The following PPARD variants were observed in gnomAD, a reference collection of about 807,000 sequenced individuals.
The protein encoded by PPARD is peroxisome proliferator activated receptor delta.
Under a neutral mutation model 39.5 loss-of-function variants are expected in PPARD, and 6 were observed. That is an observed-to-expected ratio of 0.15 (90% CI 0.08 to 0.30). The LOEUF is 0.30. PPARD is among the 10% of genes least tolerant of loss of function. The pLI is 1.00. For missense variants in PPARD, 397 were observed against 596.8 expected, an observed-to-expected ratio of 0.67 and a Z score of 3.49; for synonymous variants, 210 against 231.3, an observed-to-expected ratio of 0.91 and a Z score of 0.83.
intron 2 of PPARD, among the ~76,000 whole-genome samples, chr6:35,368,197 T>C (rs1257233516): frequency 1.3e-5 from 2 of 152,242 alleles, no homozygotes; most frequent in Admixed American, 1.3e-4. Context: ...CACTGTGTCT[T>C]AGGGAACCTT....
rs181965018 is a variant in PPARD, at chr6:35,407,528, G to C, written c.-101-3459G>C. Among the ~76,000 whole-genome samples, 67 of 151,994 alleles carry C rather than the reference G, an allele frequency of 4.4e-4. 2 individuals are homozygous for C. In the East Asian group the frequency reaches 0.013, roughly 29 times the overall value. Reference sequence around the variant, plus strand: ...TGGAGCATAAAGAATCAGTGTTTCTGGTACTTGTTATTTGGATAATGGCAC... The same window carrying C: ...TGGAGCATAAAGAATCAGTGTTTCTCGTACTTGTTATTTGGATAATGGCAC... On this transcript the variant is annotated intron_variant, in intron 2 of 7. Transcript: ENST00000360694.
intron 2 of PPARD, among the ~76,000 whole-genome samples, chr6:35,402,192 C>T (rs1259452228): frequency 4.6e-5 from 7 of 152,208 alleles, no homozygotes; most frequent in African/African-American, 9.7e-5. Flanking sequence ...TTAAGAAAAT[C>T]GAAATCACCT....
At position 35,383,717 on chromosome 6, in the gene PPARD, C is replaced by A. The variant is rs1351999363; in HGVS notation, c.-101-27270C>A. Among the ~76,000 whole-genome samples, 5 of 143,510 alleles carry A rather than the reference C, an allele frequency of 3.5e-5. No individual in the cohort carries two copies. The East Asian group carries it at 7.9e-4, about 23-fold the overall frequency. The allele number at this position is 143,510 out of a possible 152,430, so 94.1% of individuals were successfully genotyped here. ...GATGTGAGGAGCACCTCTGCCCGGC[C>A]ACGACCCCGTCTGGGAGGTGAGGAG... On this transcript the variant is annotated intron_variant, in intron 2 of 7. Transcript: ENST00000360694.
chr6:35,384,262 T>TGGG (rs1581592140), intron 2 of PPARD, among the ~76,000 whole-genome samples: 7 of 68,032 alleles, frequency 1.0e-4, no homozygotes, highest in Admixed American at 4.9e-4. Context: ...GGGAGGGAGG[T>TGGG]AGGTTCAGCC....
At position 35,375,720 on chromosome 6, in the gene PPARD, A is replaced by T. The variant is rs186715948; in HGVS notation, c.-102+28570A>T. 5.5e-3 allele frequency among the ~76,000 whole-genome samples: 835 copies of T among 151,272 alleles called. 6 individuals are homozygous for T. The highest frequency in any genetic ancestry group is 0.016 in the African/African-American group (641 of 41,246). ...GCACACCACCATGCTCAGATAATTT[A>T]AAAAAAAATGTTTTCTAGAGATGGG... is the stretch of plus-strand genomic sequence containing the variant. On this transcript the variant is annotated intron_variant, in intron 2 of 7. Transcript: ENST00000360694.
intron 2 of PPARD, among the ~76,000 whole-genome samples, chr6:35,394,114 A>G (rs921758626): frequency 3.9e-4 from 60 of 152,284 alleles, no homozygotes; most frequent in Admixed American, 3.7e-3. Context: ...AGTCCCCCTC[A>G]TTCTCCCTTC....
At chr6:35,377,190 G>A (rs549166927) in intron 2 of PPARD, among the ~76,000 whole-genome samples, 17 of 152,260 alleles carry the variant, frequency 1.1e-4, no homozygotes, top group Admixed American at 5.9e-4. Flanking sequence ...TTGTGGGTGC[G>A]AAAGTCCACA....
chr6:35,383,682 C>A (rs1419634542), intron 2 of PPARD, among the ~76,000 whole-genome samples: 27 of 141,618 alleles, frequency 1.9e-4, no homozygotes, highest in African/African-American at 8.4e-4. Flanking sequence ...TGCCCCGCCG[C>A]CCCGTCTGGG....
chr6:35,404,686 G>A (rs1319885098), intron 2 of PPARD, among the ~76,000 whole-genome samples: 1 of 152,170 alleles, frequency 6.6e-6, no homozygotes, highest in Admixed American at 6.5e-5. Context: ...TAGCAGAGAC[G>A]GGGAAGGGAG....
intron 2 of PPARD, among the ~76,000 whole-genome samples, chr6:35,350,167 A>G (rs988931043): frequency 4.6e-5 from 7 of 152,154 alleles, no homozygotes; most frequent in African/African-American, 2.4e-5. Context: ...CCCTTGTGAA[A>G]TGGGTAGTTT....
chr6:35,366,508 G>A lies in PPARD; in HGVS notation c.-102+19358G>A, dbSNP rs1448588535. Reference sequence around the variant, plus strand: ...CAGGCAGAGGCCTAGATTAGGAGATGGCTATAGTAGTACAGGTGAGAAATT... The same window carrying A: ...CAGGCAGAGGCCTAGATTAGGAGATAGCTATAGTAGTACAGGTGAGAAATT... On this transcript the variant is annotated intron_variant, in intron 2 of 7. Coordinates refer to ENST00000360694, the MANE Select transcript of PPARD (RefSeq NM_006238.5). The surrounding 1 kb of genome is among the most constrained non-coding windows in gnomAD (Gnocchi z 4.6). Among the ~76,000 whole-genome samples, 1 of 151,482 alleles carries A rather than the reference G, an allele frequency of 6.6e-6. No homozygotes were observed. The highest frequency in any genetic ancestry group is 1.9e-4 in the East Asian group (1 of 5,194).
At chr6:35,377,694 C>T (rs1762890314) in intron 2 of PPARD, among the ~76,000 whole-genome samples, 1 of 151,998 alleles carries the variant, frequency 6.6e-6, no homozygotes, top group African/African-American at 2.4e-5. Context: ...GGTTGCTGCC[C>T]CCAGCAGTTG....
chr6:35,419,877 A>T (rs1296789709), intron 3 of PPARD, among the ~76,000 whole-genome samples: 4 of 152,300 alleles, frequency 2.6e-5, no homozygotes, highest in Middle Eastern at 3.4e-3. Flanking sequence ...TGATGGTAAT[A>T]GCTGCTGTGT....
At chr6:35,384,145 G>A (rs1429112519) in intron 2 of PPARD, among the ~76,000 whole-genome samples, 1 of 140,078 alleles carries the variant, frequency 7.1e-6, no homozygotes, top group African/African-American at 2.7e-5. Flanking sequence ...GGGCGCCTCT[G>A]CCTGGCCACC....
intron 2 of PPARD, among the ~76,000 whole-genome samples, chr6:35,385,806 A>G (rs1242150002): frequency 6.6e-6 from 1 of 151,962 alleles, no homozygotes; most frequent in Admixed American, 6.6e-5. Flanking sequence ...GGCCCCGGAC[A>G]GTGGTGTGGG....
At chr6:35,371,816 C>T (rs1762497731) in intron 2 of PPARD, among the ~76,000 whole-genome samples, 1 of 152,238 alleles carries the variant, frequency 6.6e-6, no homozygotes, top group Non-Finnish European at 1.5e-5. Context: ...GACCTCCTCT[C>T]TGGGCCTGGC....
At chr6:35,344,589 A>G (rs1792057155) in intron 1 of PPARD, among the ~76,000 whole-genome samples, 1 of 152,076 alleles carries the variant, frequency 6.6e-6, no homozygotes, top group South Asian at 2.1e-4. Context: ...CTGATCTTGG[A>G]GGATTCTGAA....
chr6:35,376,876 C>T (rs974416808), intron 2 of PPARD, among the ~76,000 whole-genome samples: 5 of 152,006 alleles, frequency 3.3e-5, no homozygotes, highest in East Asian at 1.9e-4. Context: ...AAAAATTAGC[C>T]GGGTGAGGTG....
intron 2 of PPARD, among the ~76,000 whole-genome samples, chr6:35,388,539 C>G (rs1357714057): frequency 6.6e-6 from 1 of 152,030 alleles, no homozygotes; most frequent in African/African-American, 2.4e-5. Flanking sequence ...TAGCAAAACC[C>G]CATGTCTATT....
Sources: gnomAD v4.1 joint callset for allele counts (sites outside exome capture counted in the v4.1 genomes callset) on GRCh38, gnomAD v4.1.1 for gene constraint, Gnocchi (gnomAD v3.1) non-coding constraint, MANE v1.5 for transcripts, NCBI Gene and HGNC (gene_info 2026-07-23, HGNC 2026-07-21) for gene names.